Variants in NCOA6 observed in about 807,000 individuals in gnomAD.
NCOA6 encodes the protein NRC RAP250.
NCOA6 carries 49 observed loss-of-function variants against 171.4 expected under a neutral mutation model. The ratio of observed to expected loss-of-function variants is 0.29; its 90% CI spans 0.23 to 0.36. NCOA6 has a LOEUF of 0.36. NCOA6 is among the 10% of genes least tolerant of loss of function. The pLI, the probability that NCOA6 is intolerant of heterozygous loss-of-function variation, is 1.00. For missense variants in NCOA6, 2,248 were observed against 2,554.5 expected (o/e 0.88, Z 2.59); for synonymous variants, 910 against 927.5 (o/e 0.98, Z 0.34).
rs1319676023 is a variant in NCOA6, at chr20:34,750,057, A to G, written c.2138T>C (p.Ile713Thr). ...GQVLLQQNPMIEQIMTNQMQG... is the reference protein window; with the variant it reads ...GQVLLQQNPMTEQIMTNQMQG... ...CATTTGATTGGTCATAATCTGCTCT[A>G]TCATTGGGTTCTGTTGGAGCAAAAC... The change falls in exon 9 of 15, where the codon ATA (isoleucine) becomes ACA (threonine). Residue 713 changes from isoleucine (I) to threonine (T), a missense_variant. Around this residue, in one of 7 missense-constraint regions of NCOA6, gnomAD observed 987 missense variants for 1,104.7 expected, o/e 0.89. Coordinates refer to ENST00000359003, the MANE Select transcript of NCOA6 (RefSeq NM_014071.5). The G allele has an allele frequency of 1.9e-6, 3 of 1,614,048 alleles. No homozygotes were observed. The highest frequency in any genetic ancestry group is 2.5e-6 in the Non-Finnish European group (3 of 1,180,046).
intron 2 of NCOA6, among the ~76,000 whole-genome samples, chr20:34,788,576 TTGGTC>T: frequency 6.6e-6 from 1 of 152,138 alleles, no homozygotes; most frequent in East Asian, 1.9e-4. Flanking sequence ...AGTCCTCAAT[TTGGTC>T]TGGTGTTCAA....
chr20:34,718,479 C>T (rs564946528), intron 14 of NCOA6, among the ~76,000 whole-genome samples: 2 of 150,746 alleles, frequency 1.3e-5, no homozygotes, highest in African/African-American at 2.4e-5. Context: ...AGGCAAATCA[C>T]CTTTTTTTTT....
intron 2 of NCOA6, among the ~76,000 whole-genome samples, chr20:34,788,367 A>G (rs1362199749): frequency 6.6e-6 from 1 of 152,102 alleles, no homozygotes; most frequent in African/African-American, 2.4e-5. Context: ...CCTGGCCTAT[A>G]CCTACTTTTA....
chr20:34,751,145 T>C (rs947932323), intron 8 of NCOA6, among the ~76,000 whole-genome samples: 10 of 147,736 alleles, frequency 6.8e-5, no homozygotes, highest in Admixed American at 3.4e-4. Context: ...CCGAGGCGGG[T>C]GGATCACGAG....
At chr20:34,755,973 G>A (rs1277252320) in intron 7 of NCOA6, among the ~76,000 whole-genome samples, 4 of 152,136 alleles carry the variant, frequency 2.6e-5, no homozygotes, top group African/African-American at 9.7e-5. Context: ...CTGACCTCAG[G>A]TTATCTGCCC....
intron 13 of NCOA6, 41 bp downstream of exon 13, chr20:34,732,518 A>C (rs777925062): frequency 6.3e-7 from 1 of 1,595,836 alleles, no homozygotes; most frequent in African/African-American, 1.3e-5. Flanking sequence ...AAAGAGGCTT[A>C]TGCTGTGTTC....
Position 34,776,454 on chromosome 20 carries a change from T to C in NCOA6, c.236-6A>G. 1.2e-6 allele frequency: 2 copies of C among 1,613,062 alleles called. No individual in the cohort carries two copies. The highest frequency in any genetic ancestry group is 1.7e-6 in the Non-Finnish European group (2 of 1,179,610). On this transcript the variant is annotated splice_polypyrimidine_tract_variant and splice_region_variant and intron_variant, in intron 3 of 14. Coordinates refer to ENST00000359003, the MANE Select transcript of NCOA6 (RefSeq NM_014071.5). ...TACTTTTAGCTTGCTGGACTCTTGA[T>C]TGTGAAAGAAAAAGAATTATATTAA...
Position 34,780,594 on chromosome 20 carries a change from C to T in NCOA6, c.235+1527G>A, listed in dbSNP as rs558423068. Among the ~76,000 whole-genome samples, 25 of 152,182 alleles carry T rather than the reference C, an allele frequency of 1.6e-4. 1 individual carries two copies. The East Asian group carries it at 3.7e-3, about 22-fold the overall frequency. On this transcript the variant is annotated intron_variant, in intron 3 of 14. Coordinates refer to ENST00000359003, the MANE Select transcript of NCOA6 (RefSeq NM_014071.5). Reference sequence around the variant, plus strand: ...CAAACTCCTGGCCTCAAGTGATCCGCCCACCTCGACCTCCCAAAGTGCTGG... The same window carrying T: ...CAAACTCCTGGCCTCAAGTGATCCGTCCACCTCGACCTCCCAAAGTGCTGG...
intron 1 of NCOA6, among the ~76,000 whole-genome samples, chr20:34,799,263 T>C (rs1254552292): frequency 1.3e-5 from 2 of 152,144 alleles, no homozygotes; most frequent in Non-Finnish European, 2.9e-5. Flanking sequence ...AATGGTGAGC[T>C]TGAAGACAGC....
intron 5 of NCOA6, among the ~76,000 whole-genome samples, chr20:34,759,236 C>T (rs1312075769): frequency 6.6e-6 from 1 of 151,936 alleles, no homozygotes; most frequent in Admixed American, 6.6e-5. Flanking sequence ...GAGATGGGGT[C>T]GCTATGTTGC....
intron 5 of NCOA6, 146 bp from the exon 6 acceptor site, chr20:34,759,079 G>A: frequency 1.2e-6 from 1 of 854,486 alleles, no homozygotes; most frequent in South Asian, 1.7e-5. Flanking sequence ...CTGCCAAGTG[G>A]CACAATCACA....
chr20:34,821,547 G>A (rs6088618), intron 1 of NCOA6: 57,496 of 150,958 alleles, frequency 0.38, 11,551 homozygotes, highest in Non-Finnish European at 0.45. Flanking sequence ...AAACCTTTTC[G>A]CCCTTATTAT....
intron 1 of NCOA6, chr20:34,821,503 C>T (rs2079006287): frequency 6.6e-6 from 1 of 152,038 alleles, no homozygotes; most frequent in Admixed American, 6.6e-5. Context: ...GACAGCTTTG[C>T]AATGGTTTCC....
At chr20:34,817,161 ATGTATAT>A (rs1568902082) in intron 1 of NCOA6, among the ~76,000 whole-genome samples, 3,524 of 125,360 alleles carry the variant, frequency 0.028, 792 homozygotes, top group Non-Finnish European at 0.041. Flanking sequence ...GCAAAAGAAA[ATGTATAT>A]AAATGGGTAC....
chr20:34,759,954 A>G (rs778329980), intron 5 of NCOA6, among the ~76,000 whole-genome samples: 2 of 152,166 alleles, frequency 1.3e-5, no homozygotes, highest in Admixed American at 6.5e-5. Context: ...TGATACTGCT[A>G]AACTTTTCAG....
intron 3 of NCOA6, among the ~76,000 whole-genome samples, chr20:34,781,232 TA>T (rs1377581349): frequency 6.6e-6 from 1 of 152,080 alleles, no homozygotes; most frequent in African/African-American, 2.4e-5. Flanking sequence ...TCTCAAAAGA[TA>T]AAACCCCCAA....
Position 34,753,595 on chromosome 20 carries a change from G to C in NCOA6, c.1675+1127C>G, listed in dbSNP as rs746741034. ...GAATTGCTTGAACCTGGGAGGTGGA[G>C]GCTGCAGTGAGCCGATATTGAGCCA... On this transcript the variant is annotated intron_variant, in intron 8 of 14. Coordinates refer to ENST00000359003, the MANE Select transcript of NCOA6 (RefSeq NM_014071.5). 9.8e-4 allele frequency among the ~76,000 whole-genome samples: 149 copies of C among 151,940 alleles called. 3 individuals carry two copies. Among genetic ancestry groups the C allele is most frequent in the Non-Finnish European group, 2.9e-4 (20 of 67,980 alleles).
intron 5 of NCOA6, among the ~76,000 whole-genome samples, chr20:34,759,728 T>A (rs1264117447): frequency 6.6e-6 from 1 of 152,222 alleles, no homozygotes; most frequent in African/African-American, 2.4e-5. Flanking sequence ...TTATTTTTCC[T>A]TTATTCTTAT....
intron 10 of NCOA6, among the ~76,000 whole-genome samples, chr20:34,746,321 C>A (rs2076301093): frequency 1.3e-5 from 2 of 150,634 alleles, no homozygotes. Context: ...CTCACTGCAA[C>A]TTCGACTTCC....
Sources: gnomAD v4.1 joint callset for allele counts (sites outside exome capture counted in the v4.1 genomes callset) on GRCh38, gnomAD v4.1.1 for gene constraint, gnomAD v4.1.1 regional missense constraint, MANE v1.5 for transcripts, NCBI Gene and HGNC (gene_info 2026-07-23, HGNC 2026-07-21) for gene names.